Variants in GALNTL6 observed in about 807,000 individuals in gnomAD.
GALNTL6 encodes polypeptide N-acetylgalactosaminyltransferase-like 6.
In GALNTL6, 46 loss-of-function variants were observed where a neutral mutation model predicts 73.7. The ratio of observed to expected loss-of-function variants is 0.62; its 90% CI spans 0.49 to 0.80. The LOEUF (loss-of-function observed/expected upper bound fraction) is 0.80, where lower values mean the gene tolerates loss of function less well. Ranked by LOEUF, GALNTL6 falls within the 30% of genes least tolerant of loss-of-function variation. GALNTL6 has a pLI of 0.00. For synonymous variants in GALNTL6, 259 were observed against 263.7 expected (o/e 0.98, Z 0.17); for missense variants, 604 against 755.0 (o/e 0.80, Z 2.34).
chr4:172,158,696 G>A (rs183173968), intron 2 of GALNTL6, among the ~76,000 whole-genome samples: 20 of 152,260 alleles, frequency 1.3e-4, no homozygotes, highest in Admixed American at 1.2e-3. Context: ...TAGAATTTAT[G>A]AAGTCTAATT....
chr4:172,659,474 T>G (rs1035165027), intron 5 of GALNTL6, among the ~76,000 whole-genome samples: 15 of 152,316 alleles, frequency 9.8e-5, no homozygotes, highest in African/African-American at 2.4e-4. Flanking sequence ...ATCTTATTCC[T>G]TCTATTTAAT....
chr4:172,808,666 T>G (rs1741113955), intron 5 of GALNTL6, among the ~76,000 whole-genome samples: 1 of 152,256 alleles, frequency 6.6e-6, no homozygotes, highest in Non-Finnish European at 1.5e-5. Context: ...ATTCTGTGAA[T>G]AAATTATCCG....
At chr4:171,846,876 TATTATATACACATAATTATATGTA>T (rs1735385346) in intron 2 of GALNTL6, among the ~76,000 whole-genome samples, 1 of 142,242 alleles carries the variant, frequency 7.0e-6, no homozygotes, top group African/African-American at 2.7e-5. Flanking sequence ...TATGTATTTA[TATTATATACACATAATTATATGTA>T]ATTATATATA....
intron 2 of GALNTL6, among the ~76,000 whole-genome samples, chr4:171,931,775 G>A (rs1234212037): frequency 6.6e-6 from 1 of 152,026 alleles, no homozygotes; most frequent in Admixed American, 6.5e-5. Context: ...ACTGTGTTCA[G>A]TATATTTCAG....
chr4:172,295,686 T>C (rs1015799355), intron 3 of GALNTL6, among the ~76,000 whole-genome samples: 1 of 151,602 alleles, frequency 6.6e-6, no homozygotes, highest in African/African-American at 2.4e-5. Context: ...ACATTTTTAA[T>C]TCAGATCCTC....
intron 10 of GALNTL6, among the ~76,000 whole-genome samples, chr4:172,977,217 A>C (rs977761216): frequency 2.0e-5 from 3 of 152,222 alleles, no homozygotes; most frequent in Non-Finnish European, 4.4e-5. Flanking sequence ...AGAAAGAACA[A>C]CACTCTGGGT....
intron 2 of GALNTL6, among the ~76,000 whole-genome samples, chr4:172,025,523 T>C (rs547221775): frequency 1.3e-5 from 2 of 152,056 alleles, no homozygotes; most frequent in Admixed American, 1.3e-4. Flanking sequence ...GTGAAAATAT[T>C]TATTATACAC....
At chr4:172,500,956 G>A (rs1381163203) in intron 5 of GALNTL6, among the ~76,000 whole-genome samples, 3 of 152,150 alleles carry the variant, frequency 2.0e-5, no homozygotes, top group Non-Finnish European at 4.4e-5. Flanking sequence ...CACAAATAGT[G>A]GTAAATTGTC....
At chr4:172,628,945 A>C (rs1319344083) in intron 5 of GALNTL6, among the ~76,000 whole-genome samples, 2 of 152,106 alleles carry the variant, frequency 1.3e-5, no homozygotes, top group Non-Finnish European at 2.9e-5. Context: ...TTGTTACTGA[A>C]CTGGAGTGCA....
intron 5 of GALNTL6, among the ~76,000 whole-genome samples, chr4:172,738,013 A>C (rs1560916896): frequency 6.6e-6 from 1 of 152,316 alleles, no homozygotes; most frequent in East Asian, 1.9e-4. Flanking sequence ...GTTACAGAGC[A>C]GAGTTTCTGA....
chr4:172,846,366 C>T (rs912218487), intron 7 of GALNTL6, among the ~76,000 whole-genome samples: 1 of 152,098 alleles, frequency 6.6e-6, no homozygotes, highest in Non-Finnish European at 1.5e-5. Context: ...TACATTTTCA[C>T]TGCTAAACAA....
At chr4:172,319,062 A>C (rs1046176888) in intron 4 of GALNTL6, among the ~76,000 whole-genome samples, 2 of 152,078 alleles carry the variant, frequency 1.3e-5, no homozygotes, top group African/African-American at 4.8e-5. Flanking sequence ...TCCTCGTTTT[A>C]CTCCTACCCA....
intron 5 of GALNTL6, among the ~76,000 whole-genome samples, chr4:172,586,178 A>G (rs1420088849): frequency 6.6e-6 from 1 of 152,196 alleles, no homozygotes; most frequent in Non-Finnish European, 1.5e-5. Flanking sequence ...CCTTGAGAAA[A>G]TGTGTCTTCT....
intron 8 of GALNTL6, among the ~76,000 whole-genome samples, chr4:172,918,631 G>A (rs975531518): frequency 3.9e-5 from 6 of 152,036 alleles, no homozygotes; most frequent in African/African-American, 1.4e-4. Context: ...ACCACCTCAC[G>A]TAACCCCCAA....
chr4:172,771,852 C>CT lies in GALNTL6; in HGVS notation c.554-37499dup, dbSNP rs201043632. On this transcript the variant is annotated intron_variant, in intron 5 of 12. Coordinates refer to ENST00000506823, the MANE Select transcript of GALNTL6 (RefSeq NM_001034845.3). ...AAGAGATGGGAAGAAAGATTTCAAT[C>CT]TTTTTTTTTTCTAAGAAGAATCACT... Among the ~76,000 whole-genome samples, 1,116 of 150,176 alleles carry CT rather than the reference C, an allele frequency of 7.4e-3. 7 individuals are homozygous for CT. Among genetic ancestry groups the CT allele is most frequent in the East Asian group, 0.022 (115 of 5,150 alleles).
intron 2 of GALNTL6, among the ~76,000 whole-genome samples, chr4:172,152,856 C>T (rs995899151): frequency 2.0e-4 from 31 of 152,264 alleles, no homozygotes; most frequent in African/African-American, 6.7e-4. Flanking sequence ...GCAGTCTGCC[C>T]GCATCAGCCT....
chr4:172,808,877 G>GA (rs920941366), intron 5 of GALNTL6, among the ~76,000 whole-genome samples: 9 of 152,114 alleles, frequency 5.9e-5, no homozygotes, highest in Admixed American at 1.3e-4. Flanking sequence ...ACTTCTGGGG[G>GA]AAAAAATCTG....
At chr4:172,920,300 C>G (rs1290700740) in intron 8 of GALNTL6, among the ~76,000 whole-genome samples, 1 of 152,072 alleles carries the variant, frequency 6.6e-6, no homozygotes, top group East Asian at 1.9e-4. Flanking sequence ...CCTCAAAATC[C>G]AGATTTCTGT....
At chr4:172,299,277 G>T (rs1561013188) in intron 3 of GALNTL6, among the ~76,000 whole-genome samples, 1 of 151,990 alleles carries the variant, frequency 6.6e-6, no homozygotes, top group East Asian at 1.9e-4. Context: ...TATTAGTCTT[G>T]CTAGTGGTCT....
Sources: allele counts gnomAD v4.1 joint callset (sites outside exome capture counted in the v4.1 genomes callset), GRCh38; gene constraint gnomAD v4.1.1; transcripts MANE v1.5; gene names NCBI Gene and HGNC (gene_info 2026-07-23, HGNC 2026-07-21).